The following DMXL2 variants were observed in gnomAD, a reference collection of about 807,000 sequenced individuals.
DMXL2 encodes the protein dmX-like protein 2.
DMXL2 carries 103 observed loss-of-function variants against 331.1 expected under a neutral mutation model. That is an observed-to-expected ratio of 0.31 (90% confidence interval 0.27 to 0.37). The LOEUF (loss-of-function observed/expected upper bound fraction) is 0.37. Ranked by LOEUF, DMXL2 falls within the 10% of genes least tolerant of loss-of-function variation. DMXL2 has a pLI of 1.00. For synonymous variants in DMXL2, 1,281 were observed against 1,252.1 expected (o/e 1.02, Z -0.49); for missense variants, 3,171 against 3,642.9 (o/e 0.87, Z 3.33).
At chr15:51,451,178 A>G (rs2039101891) in intron 42 of DMXL2, among the ~76,000 whole-genome samples, 2 of 152,158 alleles carry the variant, frequency 1.3e-5, no homozygotes. Context: ...TTGTAATCCC[A>G]GTACTTAGGG....
At chr15:51,488,271 T>G in intron 21 of DMXL2, 152 bp from the exon 22 acceptor site, 1 of 808,280 alleles carries the variant, frequency 1.2e-6, no homozygotes, top group Non-Finnish European at 1.8e-6. Context: ...TCTCTTCACT[T>G]CTTCTAAGAA....
intron 1 of DMXL2, among the ~76,000 whole-genome samples, chr15:51,617,598 C>T (rs867354066): frequency 6.6e-5 from 10 of 152,210 alleles, no homozygotes; most frequent in African/African-American, 2.4e-4. Flanking sequence ...TCCAGACCTA[C>T]AACTTCAACA....
chr15:51,476,008 T>C (rs1269824966), intron 27 of DMXL2, among the ~76,000 whole-genome samples: 3 of 152,150 alleles, frequency 2.0e-5, no homozygotes, highest in Non-Finnish European at 4.4e-5. Context: ...TGAAATTATT[T>C]TGAAATAAGA....
chr15:51,530,440 C>G (rs934971461), intron 13 of DMXL2, among the ~76,000 whole-genome samples: 2 of 152,016 alleles, frequency 1.3e-5, no homozygotes, highest in African/African-American at 4.8e-5. Flanking sequence ...AGCAAAAAAT[C>G]TGAAAAAGAA....
intron 16 of DMXL2, among the ~76,000 whole-genome samples, chr15:51,504,429 TCTTCCAAAGAA>T (rs1178417030): frequency 3.9e-5 from 6 of 152,242 alleles, no homozygotes; most frequent in Non-Finnish European, 8.8e-5. Context: ...ATTGACTTGA[TCTTCCAAAGAA>T]CTTCCAGTGA....
intron 29 of DMXL2, among the ~76,000 whole-genome samples, chr15:51,468,602 C>T: frequency 6.6e-6 from 1 of 152,266 alleles, no homozygotes; most frequent in South Asian, 2.1e-4. Context: ...GTCTTTCCGA[C>T]TCAAAATGTA....
intron 15 of DMXL2, 70 bp from the exon 16 acceptor site, chr15:51,507,323 G>A: frequency 1.4e-6 from 2 of 1,421,570 alleles, no homozygotes; most frequent in Non-Finnish European, 1.9e-6. Context: ...CTTTTTAAAA[G>A]CTACCACCAC....
At chr15:51,579,165 T>C (rs2051241501) in intron 1 of DMXL2, among the ~76,000 whole-genome samples, 1 of 152,180 alleles carries the variant, frequency 6.6e-6, no homozygotes, top group Admixed American at 6.5e-5. Flanking sequence ...TCAAACCCCC[T>C]ACCAAACTAG....
At chr15:51,606,977 G>T (rs1285478363) in intron 1 of DMXL2, among the ~76,000 whole-genome samples, 3 of 151,960 alleles carry the variant, frequency 2.0e-5, no homozygotes, top group Admixed American at 6.6e-5. Flanking sequence ...AGCCAACATG[G>T]CGAAACCCTG....
chr15:51,614,602 T>A (rs995062087), intron 1 of DMXL2, among the ~76,000 whole-genome samples: 2 of 152,192 alleles, frequency 1.3e-5, no homozygotes, highest in Non-Finnish European at 2.9e-5. Context: ...GCCACTGACC[T>A]ATACCAAGAA....
chr15:51,547,862 G>C (rs1024950383), intron 6 of DMXL2, among the ~76,000 whole-genome samples: 5 of 152,146 alleles, frequency 3.3e-5, no homozygotes, highest in Non-Finnish European at 5.9e-5. Flanking sequence ...TCAAGAGTCA[G>C]CAAATTTTTC....
rs375382526 is a variant in DMXL2 at position 51,481,336 on chromosome 15, G to A, written c.5770C>T (p.Pro1924Ser). The change falls in exon 24 of 44, where the codon CCT (proline) becomes TCT (serine). Residue 1924 changes from proline to serine, a missense_variant. By Grantham distance (74) the Pro-to-Ser change is moderately conservative (BLOSUM62 -1). Around this residue, in one of 7 missense-constraint regions of DMXL2, gnomAD observed 244 missense variants for 251.4 expected, o/e 0.97. Coordinates refer to ENST00000560891, the MANE Select transcript of DMXL2 (RefSeq NM_001378457.1). ...TCCATCCTGTGAGAAATGAAGTCAG[G>A]CTGATCTTTTTTTGCAGATAAGGCA... ...TSALSAKKDQPDFISHRMDDV... is the reference protein window; with the variant it reads ...TSALSAKKDQSDFISHRMDDV... 3 of 1,614,106 alleles carry A rather than the reference G, an allele frequency of 1.9e-6. No homozygotes were observed. The highest frequency in any genetic ancestry group is 1.3e-5 in the African/African-American group (1 of 75,048).
intron 23 of DMXL2, among the ~76,000 whole-genome samples, chr15:51,482,164 T>A (rs2042061244): frequency 6.6e-6 from 1 of 152,174 alleles, no homozygotes; most frequent in African/African-American, 2.4e-5. Context: ...CAAATCAGTC[T>A]ATCAAGTTGG....
intron 43 of DMXL2, among the ~76,000 whole-genome samples, chr15:51,449,438 C>T (rs780732160): frequency 9.2e-5 from 14 of 152,200 alleles, no homozygotes; most frequent in African/African-American, 1.4e-4. Flanking sequence ...TAGCCCATCT[C>T]TAATTCAATT....
intron 1 of DMXL2, among the ~76,000 whole-genome samples, chr15:51,611,045 A>T (rs940102157): frequency 2.6e-5 from 4 of 152,116 alleles, no homozygotes; most frequent in African/African-American, 9.7e-5. Flanking sequence ...GACAAAAATG[A>T]GCTAAGCATT....
At chr15:51,539,078 G>A (rs2048443395) in intron 9 of DMXL2, among the ~76,000 whole-genome samples, 3 of 151,742 alleles carry the variant, frequency 2.0e-5, no homozygotes, top group Middle Eastern at 6.8e-3. Flanking sequence ...AGTGTGGCGG[G>A]GTGTGCCTGT....
At chr15:51,599,501 G>A (rs4775960) in intron 1 of DMXL2, among the ~76,000 whole-genome samples, 2 of 151,892 alleles carry the variant, frequency 1.3e-5, no homozygotes, top group Non-Finnish European at 2.9e-5. Flanking sequence ...ACAAACATCC[G>A]TATCATATCT....
At position 51,502,947 on chromosome 15, in the gene DMXL2, T is replaced by G. The variant is rs148642699; in HGVS notation, c.2851A>C (p.Ser951Arg). 1.4e-5 allele frequency: 23 copies of G among 1,613,952 alleles called. No individual in the cohort carries two copies. In the African/African-American group the frequency reaches 2.8e-4, roughly 20 times the overall value. Residue 951 changes from serine (S) to arginine (R), a missense_variant, in exon 17 of 44, where the codon AGT becomes CGT. By Grantham distance (110) the Ser-to-Arg change is moderately radical. This residue lies in a region of DMXL2 where 1,674 missense variants were observed against 1,780.2 expected (regional missense o/e 0.94). Transcript: ENST00000560891. ...GAAGAATGTGGCATGGGGCTCACAC[T>G]AGGAGAGGTTTCTGGAGAAGAATCT... ...NVDSSPETSP[S>R]VSPMPHSSSI...
chr15:51,543,153 T>C (rs1190231099), intron 8 of DMXL2, among the ~76,000 whole-genome samples: 1 of 152,138 alleles, frequency 6.6e-6, no homozygotes, highest in Non-Finnish European at 1.5e-5. Flanking sequence ...TGTGGACTAT[T>C]TTAGTCATGG....
Sources: gnomAD v4.1 joint callset for allele counts (sites outside exome capture counted in the v4.1 genomes callset) on GRCh38, gnomAD v4.1.1 for gene constraint, gnomAD v4.1.1 regional missense constraint, MANE v1.5 for transcripts, NCBI Gene and HGNC (gene_info 2026-07-23, HGNC 2026-07-21) for gene names.